Variants in SH3BP5 observed in about 807,000 individuals in gnomAD.
SH3BP5 encodes SH3 domain binding protein 5, also known as SH3 domain-binding protein 5.
Under a neutral mutation model 43.3 loss-of-function variants are expected in SH3BP5, and 22 were observed. That is an observed-to-expected ratio of 0.51 (90% CI 0.36 to 0.73). The LOEUF (loss-of-function observed/expected upper bound fraction) is 0.73, where lower values mean the gene tolerates loss of function less well. SH3BP5 is among the 30% of genes least tolerant of loss of function. SH3BP5 has a pLI of 0.00. For missense variants in SH3BP5, 529 were observed against 586.9 expected, an observed-to-expected ratio of 0.90 and a Z score of 1.02; for synonymous variants, 255 against 225.8, an observed-to-expected ratio of 1.13 and a Z score of -1.16.
At chr3:15,312,395 TA>T (rs1216157520) in intron 2 of SH3BP5, among the ~76,000 whole-genome samples, 2 of 152,156 alleles carry the variant, frequency 1.3e-5, no homozygotes, top group African/African-American at 4.8e-5. Context: ...ACCTTAGAAA[TA>T]AATGTCTTTT....
At chr3:15,294,697 T>A (rs182737514) in intron 3 of SH3BP5, among the ~76,000 whole-genome samples, 8 of 152,164 alleles carry the variant, frequency 5.3e-5, no homozygotes, top group African/African-American at 1.9e-4. Flanking sequence ...ACCTAATACA[T>A]CATTAGCGCT....
intron 3 of SH3BP5, among the ~76,000 whole-genome samples, chr3:15,280,556 T>G (rs1316799979): frequency 6.6e-6 from 1 of 152,108 alleles, no homozygotes; most frequent in Non-Finnish European, 1.5e-5. Context: ...GCTCAAAGCA[T>G]CAAGCCTGGG....
chr3:15,295,175 G>A (rs1697534296), intron 3 of SH3BP5, among the ~76,000 whole-genome samples: 2 of 152,278 alleles, frequency 1.3e-5, no homozygotes, highest in Admixed American at 1.3e-4. Flanking sequence ...TAACAAATAA[G>A]CCTCTCCATG....
chr3:15,259,231 A>G (rs1559423801), intron 6 of SH3BP5, 181 bp from the exon 7 acceptor site: 1 of 616,864 alleles, frequency 1.6e-6, no homozygotes, highest in East Asian at 2.7e-5. Context: ...ATCAGCCACC[A>G]CCATCCCCAG....
intron 3 of SH3BP5, among the ~76,000 whole-genome samples, chr3:15,294,362 G>T (rs1163472018): frequency 6.6e-6 from 1 of 150,922 alleles, no homozygotes; most frequent in Non-Finnish European, 1.5e-5. Flanking sequence ...TCCCCCTCAT[G>T]CATGTAAAAC....
chr3:15,317,211 T>C (rs1001531865), intron 2 of SH3BP5, among the ~76,000 whole-genome samples: 3 of 152,220 alleles, frequency 2.0e-5, no homozygotes, highest in Admixed American at 2.0e-4. Flanking sequence ...AGGTCCACTT[T>C]ATAATTAGCA....
chr3:15,299,229 AT>A (rs781448332), intron 3 of SH3BP5, among the ~76,000 whole-genome samples: 166 of 152,326 alleles, frequency 1.1e-3, no homozygotes, highest in Non-Finnish European at 1.3e-3. Flanking sequence ...ACTGGCAGAT[AT>A]GTCAAAGCAG....
At chr3:15,298,506 C>T (rs1697642172) in intron 3 of SH3BP5, among the ~76,000 whole-genome samples, 1 of 152,210 alleles carries the variant, frequency 6.6e-6, no homozygotes, top group Admixed American at 6.5e-5. Flanking sequence ...TGCTGCCCAT[C>T]AAGTTTGCAA....
chr3:15,256,462 A>C (rs951597177), intron 8 of SH3BP5, 159 bp from the exon 9 acceptor site: 6 of 728,856 alleles, frequency 8.2e-6, no homozygotes, highest in South Asian at 3.4e-5. Context: ...ACTGTTACCT[A>C]CCGTGCCTAT....
rs940299205 is a variant in SH3BP5, at chr3:15,262,295, A to C, written c.496-6T>G. ...GTCTGCTCCGCCTCCATGACCTTAA[A>C]ATGACAGCAGAGTTCAGCCCAGTCC... On this transcript the variant is annotated splice_region_variant and splice_polypyrimidine_tract_variant and intron_variant, in intron 4 of 8. Transcript: ENST00000383791. 3 of 1,613,904 alleles carry C rather than the reference A, an allele frequency of 1.9e-6. No homozygotes were observed. In the African/African-American group the frequency reaches 4.0e-5, roughly 22 times the overall value.
rs144783310 is a variant in SH3BP5, at chr3:15,289,623, C to T, written c.330+14480G>A. 1.2e-3 allele frequency among the ~76,000 whole-genome samples: 188 copies of T among 152,260 alleles called. 1 individual carries two copies. The highest frequency in any genetic ancestry group is 3.7e-3 in the African/African-American group (154 of 41,536). ...CTGTTGCTTACGATCAAACATAATT[C>T]CTAACTGATAGATGATACAGCTATT... On this transcript the variant is annotated intron_variant, in intron 3 of 8. Transcript: ENST00000383791.
intron 2 of SH3BP5, among the ~76,000 whole-genome samples, chr3:15,308,578 G>A (rs971592133): frequency 6.6e-6 from 1 of 152,144 alleles, no homozygotes; most frequent in Admixed American, 6.5e-5. Context: ...CCTCCAGCAC[G>A]GACGGACGGG....
At chr3:15,273,566 G>A (rs1696877549) in intron 3 of SH3BP5, among the ~76,000 whole-genome samples, 1 of 152,184 alleles carries the variant, frequency 6.6e-6, no homozygotes, top group Non-Finnish European at 1.5e-5. Context: ...ACTAATGTGA[G>A]GCCTCATTCC....
chr3:15,326,745 C>T (rs1340654703), intron 2 of SH3BP5, among the ~76,000 whole-genome samples: 1 of 151,744 alleles, frequency 6.6e-6, no homozygotes, highest in Non-Finnish European at 1.5e-5. Flanking sequence ...GTCTTTCACA[C>T]TTTTGTGCTT....
chr3:15,262,009 AGAGCCTGAGCAGG>A, intron 5 of SH3BP5, 137 bp downstream of exon 5: 1 of 787,822 alleles, frequency 1.3e-6, no homozygotes, highest in Non-Finnish European at 2.0e-6. Context: ...AGGGGGAAAG[AGAGCCTGAGCAGG>A]GGGGCTCTGG....
chr3:15,267,755 G>A (rs988313784), intron 4 of SH3BP5, among the ~76,000 whole-genome samples: 9 of 152,176 alleles, frequency 5.9e-5, no homozygotes, highest in Admixed American at 1.3e-4. Flanking sequence ...ACAGTGTGGA[G>A]GTCTGGGGAT....
At chr3:15,277,199 T>C (rs1187768618) in intron 3 of SH3BP5, among the ~76,000 whole-genome samples, 1 of 152,174 alleles carries the variant, frequency 6.6e-6, no homozygotes, top group Non-Finnish European at 1.5e-5. Flanking sequence ...GCTGAACTCC[T>C]GACCTTAGGT....
intron 3 of SH3BP5, among the ~76,000 whole-genome samples, chr3:15,270,078 G>T (rs367592064): frequency 1.3e-5 from 2 of 152,326 alleles, no homozygotes; most frequent in Non-Finnish European, 2.9e-5. Flanking sequence ...ATCAGTGAGC[G>T]AACAATTTCC....
At chr3:15,278,937 A>G (rs1379796788) in intron 3 of SH3BP5, among the ~76,000 whole-genome samples, 4 of 152,050 alleles carry the variant, frequency 2.6e-5, no homozygotes, top group Admixed American at 2.0e-4. Context: ...TGGGAGGCTG[A>G]GGCGGGCAGA....
Sources: gnomAD v4.1 joint callset for allele counts (sites outside exome capture counted in the v4.1 genomes callset) on GRCh38, gnomAD v4.1.1 for gene constraint, MANE v1.5 for transcripts, NCBI Gene and HGNC (gene_info 2026-07-23, HGNC 2026-07-21) for gene names.